The following NOL4 variants were observed in gnomAD, a reference collection of about 807,000 sequenced individuals.
NOL4 encodes the protein nucleolar protein 4.
Under a neutral mutation model 75.9 loss-of-function variants are expected in NOL4, and 17 were observed. The observed-to-expected ratio is 0.22, with a 90% CI of 0.15 to 0.34. The LOEUF is 0.34. Ranked by LOEUF, NOL4 falls within the 10% of genes least tolerant of loss-of-function variation. The probability of loss-of-function intolerance (pLI) is 1.00; values close to 1 mark genes in which losing one functional copy is unlikely to be tolerated. For synonymous variants in NOL4, 292 were observed against 289.9 expected (o/e 1.01, Z -0.07); for missense variants, 614 against 793.5 (o/e 0.77, Z 2.72).
chr18:34,182,302 G>A (rs1413383842), intron 1 of NOL4, among the ~76,000 whole-genome samples: 1 of 151,550 alleles, frequency 6.6e-6, no homozygotes, highest in East Asian at 1.9e-4. Flanking sequence ...AAACAGATAG[G>A]AAGTTCCCAT....
intron 4 of NOL4, among the ~76,000 whole-genome samples, chr18:34,095,717 C>A (rs980533905): frequency 2.6e-5 from 4 of 151,994 alleles, no homozygotes; most frequent in African/African-American, 9.7e-5. Flanking sequence ...ATATACAATA[C>A]ATTCTACAGT....
intron 6 of NOL4, among the ~76,000 whole-genome samples, chr18:33,984,261 C>T (rs920154752): frequency 6.6e-6 from 1 of 152,104 alleles, no homozygotes; most frequent in African/African-American, 2.4e-5. Context: ...CTAATTTTCA[C>T]TCATATCTTA....
chr18:33,904,522 C>G (rs777320009), intron 9 of NOL4, among the ~76,000 whole-genome samples: 6 of 152,010 alleles, frequency 3.9e-5, no homozygotes, highest in Non-Finnish European at 8.8e-5. Context: ...GACTTAATGA[C>G]CATTAGACTA....
chr18:33,930,167 C>T (rs1414435173), intron 9 of NOL4, among the ~76,000 whole-genome samples: 2 of 152,040 alleles, frequency 1.3e-5, no homozygotes, highest in Non-Finnish European at 2.9e-5. Flanking sequence ...TAGATATTTA[C>T]TGGTGATATC....
intron 6 of NOL4, among the ~76,000 whole-genome samples, chr18:34,018,793 T>C (rs1441688706): frequency 1.3e-5 from 2 of 152,214 alleles, no homozygotes; most frequent in East Asian, 1.9e-4. Context: ...ATAAATCATT[T>C]CTTAAAATAA....
At chr18:34,096,284 A>G (rs757305550) in intron 4 of NOL4, among the ~76,000 whole-genome samples, 23 of 152,096 alleles carry the variant, frequency 1.5e-4, no homozygotes, top group Non-Finnish European at 2.8e-4. Context: ...CCACTACTAC[A>G]TATGAAATAT....
intron 6 of NOL4, among the ~76,000 whole-genome samples, chr18:33,982,297 CA>C (rs1032440924): frequency 6.6e-6 from 1 of 151,932 alleles, no homozygotes; most frequent in Non-Finnish European, 1.5e-5. Flanking sequence ...AAGATCCAAC[CA>C]CATGCTGTCC....
chr18:34,143,170 G>C (rs1381603797), intron 1 of NOL4, among the ~76,000 whole-genome samples: 1 of 152,096 alleles, frequency 6.6e-6, no homozygotes, highest in African/African-American at 2.4e-5. Context: ...ATGTAGAGTA[G>C]AGTGCGGAGT....
intron 6 of NOL4, among the ~76,000 whole-genome samples, chr18:34,013,785 T>C (rs1349116351): frequency 1.3e-5 from 2 of 151,982 alleles, no homozygotes; most frequent in African/African-American, 4.8e-5. Context: ...AGCCAAAATG[T>C]GAATTCTTAA....
chr18:33,871,573 G>A, intron 10 of NOL4, among the ~76,000 whole-genome samples: 1 of 151,910 alleles, frequency 6.6e-6, no homozygotes, highest in East Asian at 1.9e-4. Flanking sequence ...AACAACCCAA[G>A]CCAACCGTAA....
chr18:33,943,691 T>C (rs1317305347), intron 8 of NOL4, among the ~76,000 whole-genome samples: 1 of 151,702 alleles, frequency 6.6e-6, no homozygotes, highest in Non-Finnish European at 1.5e-5. Flanking sequence ...TGGTTTTAAA[T>C]ATAAATAATT....
intron 10 of NOL4, among the ~76,000 whole-genome samples, chr18:33,870,082 C>A (rs1050534647): frequency 6.6e-6 from 1 of 151,944 alleles, no homozygotes; most frequent in African/African-American, 2.4e-5. Context: ...TTATCATGAA[C>A]AACATGAGGT....
In NOL4 at chr18:33,987,476, A is replaced by T. The variant is rs75874559; in HGVS notation, c.1057-29058T>A. 1.3e-4 allele frequency among the ~76,000 whole-genome samples: 20 copies of T among 152,254 alleles called. No individual in the cohort carries two copies. In the East Asian group the frequency reaches 3.9e-3, roughly 30 times the overall value. ...GGAGCTCAGAACTGTTATGGTTTGCACAATAATGAGGCAAAGCCTGTTTTT... is the reference window on the plus strand; with the variant it reads ...GGAGCTCAGAACTGTTATGGTTTGCTCAATAATGAGGCAAAGCCTGTTTTT... On this transcript the variant is annotated intron_variant, in intron 6 of 10. Coordinates refer to ENST00000261592, the MANE Select transcript of NOL4 (RefSeq NM_003787.5).
intron 10 of NOL4, among the ~76,000 whole-genome samples, chr18:33,862,273 G>C (rs1428120958): frequency 2.0e-5 from 3 of 152,062 alleles, no homozygotes; most frequent in Non-Finnish European, 4.4e-5. Flanking sequence ...ATTAATTCAA[G>C]ATGGATTAAA....
At chr18:34,171,908 T>C (rs1268397688) in intron 1 of NOL4, among the ~76,000 whole-genome samples, 1 of 152,114 alleles carries the variant, frequency 6.6e-6, no homozygotes, top group Admixed American at 6.6e-5. Context: ...TCCCAAATGG[T>C]AATCAAGTTC....
intron 10 of NOL4, among the ~76,000 whole-genome samples, chr18:33,854,911 C>T (rs1381784942): frequency 6.6e-6 from 1 of 151,980 alleles, no homozygotes; most frequent in Non-Finnish European, 1.5e-5. Flanking sequence ...CACCCTACCG[C>T]TGGCTCAGTG....
intron 9 of NOL4, among the ~76,000 whole-genome samples, chr18:33,886,790 G>GATGTGT (rs2064697853): frequency 1.4e-5 from 2 of 139,918 alleles, no homozygotes; most frequent in African/African-American, 2.7e-5. Flanking sequence ...TATATCTATA[G>GATGTGT]ATATATCTAT....
intron 1 of NOL4, among the ~76,000 whole-genome samples, chr18:34,179,515 GA>G (rs1004364069): frequency 2.2e-4 from 33 of 150,596 alleles, no homozygotes; most frequent in Admixed American, 7.9e-4. Flanking sequence ...CTAAAAGAAT[GA>G]AAAAAAAGTA....
intron 5 of NOL4, among the ~76,000 whole-genome samples, chr18:34,072,397 G>A (rs182265805): frequency 2.1e-4 from 32 of 151,098 alleles, no homozygotes; most frequent in South Asian, 1.1e-3. Context: ...CAATTTAATA[G>A]GAAGACATCA....
Sources: gnomAD v4.1 joint callset for allele counts (sites outside exome capture counted in the v4.1 genomes callset) on GRCh38, gnomAD v4.1.1 for gene constraint, MANE v1.5 for transcripts, NCBI Gene and HGNC (gene_info 2026-07-23, HGNC 2026-07-21) for gene names.